The following ANK2 variants were observed in gnomAD, a reference collection of about 807,000 sequenced individuals.
The protein encoded by ANK2 is ankyrin-2.
Under a neutral mutation model 360.5 loss-of-function variants are expected in ANK2, and 83 were observed. The observed-to-expected ratio is 0.23, with a 90% CI of 0.19 to 0.28. ANK2 has a LOEUF of 0.28. Among genes scored for constraint, ANK2 ranks in the 10% least tolerant of loss-of-function variants. ANK2 has a pLI of 1.00. For synonymous variants in ANK2, 1,740 were observed against 1,759.5 expected, an observed-to-expected ratio of 0.99 and a Z score of 0.28; for missense variants, 4,201 against 4,795.7, an observed-to-expected ratio of 0.88 and a Z score of 3.66.
chr4:113,056,147 A>T (rs192028866), intron 1 of ANK2, among the ~76,000 whole-genome samples: 174 of 152,312 alleles, frequency 1.1e-3, no homozygotes, highest in Non-Finnish European at 1.4e-3. Context: ...TAAGAAACAA[A>T]ACTTAAGTAA....
chr4:113,031,385 G>C (rs1381339669), intron 2 of ANK2: 2 of 152,000 alleles, frequency 1.3e-5, no homozygotes, highest in African/African-American at 4.8e-5. Context: ...TTTAAGGACA[G>C]AGAGGATGCC....
chr4:112,967,069 T>G (rs949145691), intron 2 of ANK2, among the ~76,000 whole-genome samples: 8 of 152,154 alleles, frequency 5.3e-5, no homozygotes, highest in Admixed American at 5.2e-4. Context: ...ATTTAGAAAT[T>G]TTCTCAGTTG....
chr4:113,168,456 A>G (rs2097832380), intron 1 of ANK2, among the ~76,000 whole-genome samples: 1 of 152,210 alleles, frequency 6.6e-6, no homozygotes, highest in South Asian at 2.1e-4. Context: ...CATTGGATTA[A>G]GAACACTCTT....
rs1336308868 is a variant in ANK2 at position 113,265,010 on chromosome 4, C to T, written c.1485+15C>T. The T allele has an allele frequency of 6.4e-7, 1 of 1,553,610 alleles. No homozygotes were observed. Among genetic ancestry groups the T allele is most frequent in the Non-Finnish European group, 8.7e-7 (1 of 1,147,422 alleles). ...CCAGAGCCAGGGTAGGTACTGGTGCCCTGAGGTTCTCTTCTATCGCAGCGC... is the reference window on the plus strand; with the variant it reads ...CCAGAGCCAGGGTAGGTACTGGTGCTCTGAGGTTCTCTTCTATCGCAGCGC... On this transcript the variant is annotated intron_variant, in intron 14 of 45. Coordinates refer to ENST00000357077, the MANE Select transcript of ANK2 (RefSeq NM_001148.6).
intron 1 of ANK2, among the ~76,000 whole-genome samples, chr4:113,099,993 A>C (rs190711573): frequency 1.3e-5 from 2 of 152,206 alleles, no homozygotes; most frequent in Non-Finnish European, 2.9e-5. Flanking sequence ...TCAAGAGTTA[A>C]ATGTAAAATG....
At chr4:113,238,556 C>A (rs545760126) in intron 7 of ANK2, among the ~76,000 whole-genome samples, 1 of 152,142 alleles carries the variant, frequency 6.6e-6, no homozygotes, top group African/African-American at 2.4e-5. Flanking sequence ...CAACTGGAAC[C>A]GTACAAATTG....
At chr4:113,105,680 A>G (rs1195255277) in intron 1 of ANK2, among the ~76,000 whole-genome samples, 2 of 152,226 alleles carry the variant, frequency 1.3e-5, no homozygotes, top group African/African-American at 4.8e-5. Context: ...ATGATCTGAC[A>G]TGCTTCACAA....
intron 2 of ANK2, among the ~76,000 whole-genome samples, chr4:113,027,434 C>G (rs2059517905): frequency 6.6e-6 from 1 of 152,058 alleles, no homozygotes; most frequent in African/African-American, 2.4e-5. Flanking sequence ...CAAGAGTGTT[C>G]TGTGATTATT....
chr4:113,165,346 G>T (rs1016378693), intron 1 of ANK2, among the ~76,000 whole-genome samples: 1 of 152,114 alleles, frequency 6.6e-6, no homozygotes, highest in African/African-American at 2.4e-5. Flanking sequence ...TATCCAATGT[G>T]GAGCTGTAAG....
intron 1 of ANK2, chr4:113,141,504 T>C (rs2096636028): frequency 6.6e-6 from 1 of 152,214 alleles, no homozygotes; most frequent in Non-Finnish European, 1.5e-5. Flanking sequence ...GAATCTAATT[T>C]TCTTTTTTAA....
the ANK2 span, among the ~76,000 whole-genome samples, chr4:112,780,616 G>A: frequency 2.0e-5 from 3 of 152,218 alleles, no homozygotes; most frequent in Non-Finnish European, 2.9e-5. Flanking sequence ...AGATACTACC[G>A]AGACTGGGTA....
rs375164537 is a variant in ANK2 at position 112,927,461 on chromosome 4, G to A, written c.21+22947G>A. ...TCAAGTAGTGGCTATTTTCTTACTC[G>A]TCACTACATGTCACTGGATCAGGAG... On this transcript the variant is annotated intron_variant, in intron 2 of 30. Transcript: ENST00000503271. 1.4e-4 allele frequency among the ~76,000 whole-genome samples: 21 copies of A among 152,042 alleles called. No homozygotes were observed. The East Asian group carries it at 3.3e-3, about 24-fold the overall frequency.
chr4:113,339,248 G>A lies in ANK2; in HGVS notation c.3819G>A (p.Trp1273Ter). The A allele has an allele frequency of 6.2e-7, 1 of 1,613,684 alleles. No individual in the cohort carries two copies. The highest frequency in any genetic ancestry group is 2.2e-5 in the East Asian group (1 of 44,870). Residue 1273 changes from tryptophan (W) to a stop codon, truncating the protein, a stop_gained, in exon 32 of 46, where the codon TGG (tryptophan) becomes TGA (stop). Transcript: ENST00000357077. LOFTEE classifies it high-confidence loss of function. ...SITGGTTPAQ[W>*]EDITGTTPLT... is the part of the protein sequence containing the mutation. ...CAGGTGGAACCACCCCTGCCCAGTG[G>A]GAAGATATTACAGGAACTACGCCAT...
chr4:113,361,762 G>T (rs937363289), intron 39 of ANK2, among the ~76,000 whole-genome samples: 1 of 151,666 alleles, frequency 6.6e-6, no homozygotes, highest in Non-Finnish European at 1.5e-5. Flanking sequence ...CTAATTCGGG[G>T]TTTTAGGGGA....
At chr4:112,747,047 C>A in the ANK2 span, among the ~76,000 whole-genome samples, 1 of 152,122 alleles carries the variant, frequency 6.6e-6, no homozygotes, top group African/African-American at 2.4e-5. Flanking sequence ...ATGACATTAC[C>A]TTTGCAGTTT....
At position 112,834,995 on chromosome 4, in the gene ANK2, A is replaced by T. The variant is rs1448223; in HGVS notation, c.-40+16731A>T. ...ATTTAGGTTCAGTATATTTGCCAAG[A>T]CTCCTTCATAGGGGGTGCTTGCTCT... On this transcript the variant is annotated intron_variant, in intron 1 of 30. Transcript: ENST00000503271. Among the ~76,000 whole-genome samples the T allele has an allele frequency of 6.4e-4, 97 of 151,828 alleles. 1 individual carries two copies. In the South Asian group the frequency reaches 0.02, roughly 31 times the overall value.
intron 2 of ANK2, among the ~76,000 whole-genome samples, chr4:112,956,501 C>G (rs904941103): frequency 3.3e-5 from 5 of 152,170 alleles, no homozygotes; most frequent in Admixed American, 6.5e-5. Context: ...GAAGCACTGC[C>G]ACATCCAACA....
chr4:113,359,347 T>C (rs1040550083), intron 38 of ANK2, 48 bp downstream of exon 38: 1 of 1,606,750 alleles, frequency 6.2e-7, no homozygotes, highest in African/African-American at 1.3e-5. Context: ...GTCATAAAAT[T>C]GATATAGTTT....
At chr4:112,731,688 G>A in the ANK2 span, among the ~76,000 whole-genome samples, 2 of 151,824 alleles carry the variant, frequency 1.3e-5, no homozygotes, top group East Asian at 3.9e-4. Flanking sequence ...AGCCATGATC[G>A]TGCCCCTGCA....
Sources: allele counts gnomAD v4.1 joint callset (sites outside exome capture counted in the v4.1 genomes callset), GRCh38; gene constraint gnomAD v4.1.1; transcripts MANE v1.5; gene names NCBI Gene and HGNC (gene_info 2026-07-23, HGNC 2026-07-21).